Variants in MEF2A observed in about 807,000 individuals in gnomAD.
The protein encoded by MEF2A is myocyte-specific enhancer factor 2A.
In MEF2A, 28 loss-of-function variants were observed where a neutral mutation model predicts 55.8. That is an observed-to-expected ratio of 0.50 (90% CI 0.37 to 0.69). The LOEUF (loss-of-function observed/expected upper bound fraction) is 0.69. Among genes scored for constraint, MEF2A ranks in the 30% least tolerant of loss-of-function variants. The pLI, the probability that MEF2A is intolerant of heterozygous loss-of-function variation, is 0.00. For missense variants in MEF2A, 528 were observed against 626.2 expected (o/e 0.84, Z 1.67); for synonymous variants, 239 against 227.1 (o/e 1.05, Z -0.47).
intron 5 of MEF2A, chr15:99,671,689 C>A: frequency 1.3e-6 from 2 of 1,528,804 alleles, no homozygotes; most frequent in South Asian, 2.5e-5. Context: ...GTGCTTTTAT[C>A]TTGTGCATGA....
In MEF2A at chr15:99,678,701, G is replaced by A. The variant is rs547394650; in HGVS notation, c.670+3243G>A. The stretch of plus-strand genomic sequence containing the variant: ...CCTTGAGACTTTTAAAGCACTGAAC[G>A]AACTCAGGAAAGGCAAAGACTTCTT... On this transcript the variant is annotated intron_variant, in intron 7 of 11. Coordinates refer to ENST00000557942, the MANE Select transcript of MEF2A (RefSeq NM_001319206.4). 24 of 982,130 alleles carry A rather than the reference G, an allele frequency of 2.4e-5. No homozygotes were observed. The African/African-American group carries it at 2.6e-4, about 11-fold the overall frequency. The allele number at this position is 982,130 out of a possible 1,614,324, so 60.8% of individuals were successfully genotyped here.
rs1361681544 is a variant in MEF2A, at chr15:99,675,739, A to AT, written c.670+283dup. ...ATCTACTTCTACAGATAGAAAGATA[A>AT]TTAACATATTTGTCTTGGCCGGGCG... On this transcript the variant is annotated intron_variant, in intron 7 of 11. Coordinates refer to ENST00000557942, the MANE Select transcript of MEF2A (RefSeq NM_001319206.4). 2.6e-5 allele frequency among the ~76,000 whole-genome samples: 4 copies of AT among 152,332 alleles called. No individual in the cohort carries two copies. The East Asian group carries it at 7.7e-4, about 29-fold the overall frequency.
chr15:99,663,640 CT>C (rs1328515317), intron 4 of MEF2A, among the ~76,000 whole-genome samples: 2 of 151,808 alleles, frequency 1.3e-5, no homozygotes, highest in Non-Finnish European at 2.9e-5. Context: ...GAATTTCTTG[CT>C]GAGTATTTAA....
At chr15:99,680,169 G>C (rs1362689984) in intron 7 of MEF2A, among the ~76,000 whole-genome samples, 1 of 152,178 alleles carries the variant, frequency 6.6e-6, no homozygotes, top group East Asian at 1.9e-4. Context: ...AATACGTGTT[G>C]CTCATTCTCC....
At chr15:99,579,570 A>G (rs959210751) in intron 1 of MEF2A, among the ~76,000 whole-genome samples, 1 of 151,652 alleles carries the variant, frequency 6.6e-6, no homozygotes, top group African/African-American at 2.4e-5. Flanking sequence ...AATTTTTTGT[A>G]TTTTTAGTAG....
intron 1 of MEF2A, among the ~76,000 whole-genome samples, chr15:99,570,684 C>T (rs1961811688): frequency 6.6e-6 from 1 of 152,100 alleles, no homozygotes; most frequent in Non-Finnish European, 1.5e-5. Flanking sequence ...ACAAGCGGCT[C>T]TTGCATTGAC....
chr15:99,710,895 T>C lies in MEF2A; in HGVS notation c.1136+135T>C, dbSNP rs969717020. The C allele has an allele frequency of 2.0e-5, 21 of 1,066,790 alleles. No individual in the cohort carries two copies. The East Asian group carries it at 4.8e-4, about 25-fold the overall frequency. 66.1% of individuals were successfully genotyped at this position (1,066,790 alleles called of 1,614,324 possible). On this transcript the variant is annotated intron_variant, in intron 11 of 11. Coordinates refer to ENST00000557942, the MANE Select transcript of MEF2A (RefSeq NM_001319206.4). ...TGATTCCTTTTCAGGTAGATACAAG[T>C]GTCGGGAGAAAATATTTTCTTACAT...
intron 4 of MEF2A, among the ~76,000 whole-genome samples, chr15:99,655,541 G>C (rs1195063255): frequency 6.6e-6 from 1 of 152,070 alleles, no homozygotes; most frequent in African/African-American, 2.4e-5. Flanking sequence ...ATTGTTACAG[G>C]AATTAATCTG....
chr15:99,713,172 CTG>C lies in MEF2A; in HGVS notation c.*403_*404del, dbSNP rs1212987390. 4.8e-6 allele frequency: 2 copies of C among 412,538 alleles called. No individual in the cohort carries two copies. The highest frequency in any genetic ancestry group is 3.9e-5 in the Admixed American group (1 of 25,412). The allele number at this position is 412,538 out of a possible 1,614,324, so 25.6% of individuals were successfully genotyped here. A position where few individuals can be genotyped will look rare whatever the true frequency, so the allele number is the denominator to read the frequency against. ...CTTGTTTTATTTAACTGTGCAGTGACTGTAGTTACTTAAGAGAAAATGCTTTG... is the reference window on the plus strand; with the variant it reads ...CTTGTTTTATTTAACTGTGCAGTGACTAGTTACTTAAGAGAAAATGCTTTG... On this transcript the variant is annotated 3_prime_UTR_variant, in exon 12 of 12. Transcript: ENST00000557942.
chr15:99,637,250 T>G (rs993663098), intron 3 of MEF2A, among the ~76,000 whole-genome samples: 1 of 152,102 alleles, frequency 6.6e-6, no homozygotes, highest in Non-Finnish European at 1.5e-5. Context: ...TTCCACTGGA[T>G]GTAGGGATCT....
rs1416358171 is a variant in MEF2A, at chr15:99,713,324, TAAAAAC to T, written c.*557_*562del. The T allele has an allele frequency of 3.6e-6, 1 of 280,900 alleles. No homozygotes were observed. Among genetic ancestry groups the T allele is most frequent in the Non-Finnish European group, 6.5e-6 (1 of 152,976 alleles). The allele number at this position is 280,900 out of a possible 1,614,324, so 17.4% of individuals were successfully genotyped here. A position where few individuals can be genotyped will look rare whatever the true frequency, so the allele number is the denominator to read the frequency against. On this transcript the variant is annotated 3_prime_UTR_variant, in exon 12 of 12. Transcript: ENST00000557942. The stretch of plus-strand genomic sequence containing the variant: ...GTGCATGGGAAAGGGCTGTTGATAT[TAAAAAC>T]AAACAAAACAAAAAAGCCCCACACA...
chr15:99,667,903 T>G (rs901948434), intron 4 of MEF2A, among the ~76,000 whole-genome samples: 2 of 152,234 alleles, frequency 1.3e-5, no homozygotes, highest in East Asian at 3.8e-4. Context: ...TACAGAGTTT[T>G]AAGAGATATT....
intron 1 of MEF2A, among the ~76,000 whole-genome samples, chr15:99,592,474 A>C (rs758861186): frequency 6.6e-6 from 1 of 152,158 alleles, no homozygotes; most frequent in South Asian, 2.1e-4. Flanking sequence ...CTGTATGTGC[A>C]AAACACACTG....
At chr15:99,624,207 T>TTTG (rs373519200) in intron 2 of MEF2A, among the ~76,000 whole-genome samples, 2 of 152,206 alleles carry the variant, frequency 1.3e-5, no homozygotes, top group Non-Finnish European at 2.9e-5. Flanking sequence ...TGTAGTTTTT[T>TTTG]TTGTTGTTGT....
intron 3 of MEF2A, among the ~76,000 whole-genome samples, chr15:99,645,004 G>A (rs1410585609): frequency 6.6e-6 from 1 of 152,070 alleles, no homozygotes; most frequent in Non-Finnish European, 1.5e-5. Flanking sequence ...TTTTTTGGGG[G>A]GGTCTCTGTT....
At chr15:99,679,129 G>A (rs1319634208) in intron 7 of MEF2A, among the ~76,000 whole-genome samples, 1 of 152,184 alleles carries the variant, frequency 6.6e-6, no homozygotes, top group East Asian at 1.9e-4. Flanking sequence ...TCATACACTG[G>A]TAATGGGAGT....
In MEF2A at chr15:99,712,617, G is replaced by A; in HGVS notation, c.1364G>A (p.Ser455Asn). 1 of 1,552,086 alleles carries A rather than the reference G, an allele frequency of 6.4e-7. No homozygotes were observed. Among genetic ancestry groups the A allele is most frequent in the Non-Finnish European group, 8.7e-7 (1 of 1,147,200 alleles). Residue 455 changes from serine (S) to asparagine (N), a missense_variant, in exon 12 of 12, where the codon AGT becomes AAT. Transcript: ENST00000557942. The surrounding 1 kb of genome is among the most constrained non-coding windows in gnomAD (Gnocchi z 4.1). The stretch of plus-strand genomic sequence containing the variant: ...GAAATGGGGCGCTCCCCTGTGGACA[G>A]TCTGAGCAGCTCTAGTAGCTCCTAT... Reference protein sequence around the residue: ...RQEMGRSPVDSLSSSSSSYDG... With the variant: ...RQEMGRSPVDNLSSSSSSYDG...
chr15:99,648,378 C>T (rs992264853), intron 4 of MEF2A, among the ~76,000 whole-genome samples: 1 of 152,052 alleles, frequency 6.6e-6, no homozygotes, highest in Admixed American at 6.5e-5. Context: ...TTGAGGTATA[C>T]TTTTACCAAC....
intron 3 of MEF2A, among the ~76,000 whole-genome samples, chr15:99,643,775 T>G (rs1001823950): frequency 6.6e-6 from 1 of 152,020 alleles, no homozygotes; most frequent in African/African-American, 2.4e-5. Context: ...GTGTTTTTAG[T>G]AGAGACGGGG....
Sources: gnomAD v4.1 joint callset for allele counts (sites outside exome capture counted in the v4.1 genomes callset) on GRCh38, gnomAD v4.1.1 for gene constraint, Gnocchi (gnomAD v3.1) non-coding constraint, MANE v1.5 for transcripts, NCBI Gene and HGNC (gene_info 2026-07-23, HGNC 2026-07-21) for gene names.